Variants in CNTNAP2 observed in about 807,000 individuals in gnomAD.
The protein encoded by CNTNAP2 is contactin-associated protein-like 2.
CNTNAP2 carries 98 observed loss-of-function variants against 155.2 expected under a neutral mutation model. The ratio of observed to expected loss-of-function variants is 0.63; its 90% CI spans 0.54 to 0.75. The LOEUF (loss-of-function observed/expected upper bound fraction) is 0.75, where lower values mean the gene tolerates loss of function less well. Among genes scored for constraint, CNTNAP2 ranks in the 30% least tolerant of loss-of-function variants. The probability of loss-of-function intolerance (pLI) is 0.00; values close to 1 mark genes in which losing one functional copy is unlikely to be tolerated. For missense variants in CNTNAP2, 1,727 were observed against 1,688.1 expected (o/e 1.02, Z -0.40); for synonymous variants, 651 against 631.2 (o/e 1.03, Z -0.47).
intron 10 of CNTNAP2, among the ~76,000 whole-genome samples, chr7:147,423,173 G>C (rs1797324482): frequency 6.6e-6 from 1 of 152,026 alleles, no homozygotes. Flanking sequence ...AAAAATAAAA[G>C]GCACATTCTG....
intron 8 of CNTNAP2, among the ~76,000 whole-genome samples, chr7:147,227,920 G>C (rs1243482050): frequency 6.6e-6 from 1 of 152,178 alleles, no homozygotes; most frequent in Non-Finnish European, 1.5e-5. Context: ...AGAAAGAAAA[G>C]GTGGAAAGTC....
At chr7:147,053,521 C>A (rs1397421206) in intron 4 of CNTNAP2, among the ~76,000 whole-genome samples, 10 of 152,016 alleles carry the variant, frequency 6.6e-5, no homozygotes, top group Non-Finnish European at 1.2e-4. Flanking sequence ...CATCATATTA[C>A]TGTAAAATCT....
chr7:147,317,711 T>C (rs954614307), intron 9 of CNTNAP2, among the ~76,000 whole-genome samples: 1 of 152,092 alleles, frequency 6.6e-6, no homozygotes, highest in Non-Finnish European at 1.5e-5. Context: ...TTAGGGAGAT[T>C]ATTTGTTTAA....
At chr7:146,443,127 T>C (rs1796349678) in intron 1 of CNTNAP2, among the ~76,000 whole-genome samples, 2 of 151,362 alleles carry the variant, frequency 1.3e-5, no homozygotes, top group African/African-American at 4.9e-5. Flanking sequence ...GGCAGGGAAA[T>C]GGCGTGAACT....
intron 12 of CNTNAP2, among the ~76,000 whole-genome samples, chr7:147,610,882 G>A (rs6967780): frequency 0.68 from 103,976 of 151,862 alleles, 36,024 homozygotes; most frequent in African/African-American, 0.78. Flanking sequence ...AGGATCACAG[G>A]TGCACGTCAT....
At chr7:147,050,571 G>T (rs1211630444) in intron 4 of CNTNAP2, among the ~76,000 whole-genome samples, 4 of 152,122 alleles carry the variant, frequency 2.6e-5, no homozygotes, top group Non-Finnish European at 4.4e-5. Flanking sequence ...ATAAGTAAAA[G>T]ACAGTGTTTG....
At chr7:146,368,854 A>G in intron 1 of CNTNAP2, among the ~76,000 whole-genome samples, 1 of 150,202 alleles carries the variant, frequency 6.7e-6, no homozygotes, top group Middle Eastern at 3.5e-3. Context: ...ATATACATAT[A>G]TATATATATA....
At chr7:146,534,155 T>C (rs546247954) in intron 1 of CNTNAP2, among the ~76,000 whole-genome samples, 3 of 152,132 alleles carry the variant, frequency 2.0e-5, no homozygotes, top group African/African-American at 4.8e-5. Flanking sequence ...ACAGTCTGTA[T>C]AGGAGAAAAA....
chr7:146,158,973 G>A (rs1290410993), intron 1 of CNTNAP2, among the ~76,000 whole-genome samples: 1 of 152,150 alleles, frequency 6.6e-6, no homozygotes, highest in Admixed American at 6.5e-5. Context: ...AGGAAAAAAT[G>A]TTAAGGGCAG....
intron 12 of CNTNAP2, among the ~76,000 whole-genome samples, chr7:147,612,437 G>A (rs1490170506): frequency 8.2e-6 from 1 of 121,854 alleles, no homozygotes; most frequent in Non-Finnish European, 1.7e-5. Flanking sequence ...GAGTCTTTCT[G>A]TTGCCCAGGC....
At chr7:147,984,237 G>A (rs1801579817) in intron 15 of CNTNAP2, among the ~76,000 whole-genome samples, 1 of 152,260 alleles carries the variant, frequency 6.6e-6, no homozygotes, top group South Asian at 2.1e-4. Context: ...ACTGCAACCT[G>A]TTTTATCAGC....
chr7:146,135,254 A>G (rs1181043662), intron 1 of CNTNAP2, among the ~76,000 whole-genome samples: 1 of 152,066 alleles, frequency 6.6e-6, no homozygotes, highest in Non-Finnish European at 1.5e-5. Flanking sequence ...TCTCATTTTT[A>G]TTTTGGGTAT....
intron 8 of CNTNAP2, among the ~76,000 whole-genome samples, chr7:147,208,574 A>G (rs1803069692): frequency 6.6e-6 from 1 of 152,044 alleles, no homozygotes; most frequent in Non-Finnish European, 1.5e-5. Flanking sequence ...CTTAATGAAG[A>G]TTGAATAAAA....
At chr7:147,176,630 GTATAA>G (rs965440518) in intron 8 of CNTNAP2, among the ~76,000 whole-genome samples, 29 of 135,930 alleles carry the variant, frequency 2.1e-4, no homozygotes, top group African/African-American at 6.6e-4. Flanking sequence ...ACATACACAC[GTATAA>G]TATAATATTT....
chr7:146,562,053 C>T (rs1417135120), intron 1 of CNTNAP2, among the ~76,000 whole-genome samples: 1 of 152,102 alleles, frequency 6.6e-6, no homozygotes, highest in Admixed American at 6.6e-5. Flanking sequence ...GCCTCCCAAA[C>T]TGCTGGGATT....
At chr7:148,235,666 T>C (rs577916247) in intron 20 of CNTNAP2, among the ~76,000 whole-genome samples, 2 of 150,858 alleles carry the variant, frequency 1.3e-5, no homozygotes, top group Non-Finnish European at 2.9e-5. Flanking sequence ...AATGTGCTCC[T>C]TACAGCTGTG....
At chr7:147,891,455 A>C (rs532906450) in intron 13 of CNTNAP2, among the ~76,000 whole-genome samples, 5 of 152,256 alleles carry the variant, frequency 3.3e-5, no homozygotes, top group African/African-American at 1.2e-4. Context: ...TGCCCGCCTC[A>C]GCCTCCCAAA....
chr7:147,790,624 A>G (rs1413615249), intron 13 of CNTNAP2, among the ~76,000 whole-genome samples: 1 of 152,180 alleles, frequency 6.6e-6, no homozygotes, highest in East Asian at 1.9e-4. Context: ...TGAATTTCAC[A>G]GTTGTTTAGA....
chr7:147,131,247 T>C (rs1801351822), intron 7 of CNTNAP2, among the ~76,000 whole-genome samples: 1 of 151,332 alleles, frequency 6.6e-6, no homozygotes, highest in Non-Finnish European at 1.5e-5. Flanking sequence ...ACCATATACA[T>C]ATACCATATA....
Sources: gnomAD v4.1 joint callset for allele counts (sites outside exome capture counted in the v4.1 genomes callset) on GRCh38, gnomAD v4.1.1 for gene constraint, MANE v1.5 for transcripts, NCBI Gene and HGNC (gene_info 2026-07-23, HGNC 2026-07-21) for gene names.